Variants in ARL6 observed in about 807,000 individuals in gnomAD.
The protein encoded by ARL6 is ARF like GTPase 6.
In ARL6, 18 loss-of-function variants were observed where a neutral mutation model predicts 27.1. The ratio of observed to expected loss-of-function variants is 0.66; its 90% CI spans 0.46 to 0.98. The LOEUF is 0.98. Ranked by LOEUF, ARL6 falls within the 50% of genes least tolerant of loss-of-function variation. The pLI, the probability that ARL6 is intolerant of heterozygous loss-of-function variation, is 0.00. For missense variants in ARL6, 187 were observed against 214.9 expected (o/e 0.87, Z 0.81); for synonymous variants, 65 against 72.3 (o/e 0.90, Z 0.51).
At chr3:97,780,555 A>T in intron 3 of ARL6, 60 bp from the exon 4 acceptor site, 2 of 1,395,574 alleles carry the variant, frequency 1.4e-6, no homozygotes, top group African/African-American at 1.4e-5. Flanking sequence ...ATAATTTAAA[A>T]TTTTAAGTAA....
chr3:97,781,368 T>A (rs917070178), intron 4 of ARL6, among the ~76,000 whole-genome samples: 1 of 150,536 alleles, frequency 6.6e-6, no homozygotes, highest in Non-Finnish European at 1.5e-5. Flanking sequence ...ATTAAACCAA[T>A]TGTAGATCAA....
At chr3:97,792,228 T>C (rs1324213748) in intron 7 of ARL6, among the ~76,000 whole-genome samples, 2 of 152,182 alleles carry the variant, frequency 1.3e-5, no homozygotes, top group Non-Finnish European at 2.9e-5. Context: ...GCACGGTGGC[T>C]CACGCCTGTA....
At chr3:97,778,767 A>T (rs553178901) in intron 2 of ARL6, among the ~76,000 whole-genome samples, 1 of 152,298 alleles carries the variant, frequency 6.6e-6, no homozygotes, top group Non-Finnish European at 1.5e-5. Flanking sequence ...CATTTGAGAA[A>T]ACCAGGCTTA....
At chr3:97,789,521 G>C (rs1246676011) in intron 6 of ARL6, among the ~76,000 whole-genome samples, 1 of 151,982 alleles carries the variant, frequency 6.6e-6, no homozygotes. Context: ...TTATTCAATT[G>C]TGACATCTCA....
intron 4 of ARL6, among the ~76,000 whole-genome samples, chr3:97,784,359 A>G (rs1377336432): frequency 6.6e-6 from 1 of 151,868 alleles, no homozygotes; most frequent in East Asian, 1.9e-4. Context: ...TTTTCAGAAG[A>G]CTTTCACTTA....
At chr3:97,787,510 C>G (rs2037515953) in intron 5 of ARL6, among the ~76,000 whole-genome samples, 1 of 152,012 alleles carries the variant, frequency 6.6e-6, no homozygotes, top group Non-Finnish European at 1.5e-5. Context: ...AATGTATTGT[C>G]TATTCAAAAA....
At chr3:97,766,452 C>T (rs979057328) in intron 1 of ARL6, among the ~76,000 whole-genome samples, 9 of 152,130 alleles carry the variant, frequency 5.9e-5, no homozygotes, top group Non-Finnish European at 1.3e-4. Flanking sequence ...AATGGAAGTA[C>T]CTGAGGTCAA....
rs775012547 is a variant in ARL6 at position 97,787,973 on chromosome 3, CTTA to C, written c.350-14_350-12del. 5.6e-6 allele frequency: 9 copies of C among 1,612,528 alleles called. No homozygotes were observed. In the African/African-American group the frequency reaches 1.2e-4, roughly 22 times the overall value. On this transcript the variant is annotated splice_polypyrimidine_tract_variant and intron_variant, in intron 5 of 7. Transcript: ENST00000463745. Reference sequence around the variant, plus strand: ...AAAAAGCTGGAAGTGTGATGATAATCTTATTTTCTCTTTTAGATATTAAACACC... The same window carrying C: ...AAAAAGCTGGAAGTGTGATGATAATCTTTTCTCTTTTAGATATTAAACACC...
intron 2 of ARL6, among the ~76,000 whole-genome samples, chr3:97,778,523 T>C (rs1030026742): frequency 1.2e-4 from 19 of 152,110 alleles, no homozygotes; most frequent in African/African-American, 4.1e-4. Flanking sequence ...GGCAAAATTT[T>C]CCCCTCTAAT....
chr3:97,787,897 G>GA, intron 5 of ARL6, 93 bp from the exon 6 acceptor site: 23 of 1,347,246 alleles, frequency 1.7e-5, no homozygotes, highest in Admixed American at 3.7e-5. Flanking sequence ...AAAGATAATT[G>GA]AAAAAAAATT....
At chr3:97,786,895 A>G (rs1204863700) in intron 5 of ARL6, among the ~76,000 whole-genome samples, 2 of 152,212 alleles carry the variant, frequency 1.3e-5, no homozygotes, top group Admixed American at 1.3e-4. Flanking sequence ...AATATCAAGA[A>G]GTTTCATAGC....
intron 4 of ARL6, among the ~76,000 whole-genome samples, chr3:97,784,537 C>T (rs1195264900): frequency 6.7e-6 from 1 of 149,060 alleles, no homozygotes; most frequent in Non-Finnish European, 1.5e-5. Context: ...AGGTGTAATA[C>T]AGGATTCCAT....
chr3:97,775,520 C>T (rs1255818605), intron 2 of ARL6, among the ~76,000 whole-genome samples: 1 of 152,036 alleles, frequency 6.6e-6, no homozygotes, highest in Non-Finnish European at 1.5e-5. Context: ...ATTGTTCCCA[C>T]CCAGATTAAG....
intron 1 of ARL6, among the ~76,000 whole-genome samples, chr3:97,765,825 T>G (rs1460896493): frequency 1.3e-5 from 2 of 152,208 alleles, no homozygotes; most frequent in African/African-American, 4.8e-5. Context: ...GCTGCACACT[T>G]AAGACACGAT....
At chr3:97,768,554 T>C (rs2036493893) in intron 2 of ARL6, among the ~76,000 whole-genome samples, 1 of 152,144 alleles carries the variant, frequency 6.6e-6, no homozygotes, top group African/African-American at 2.4e-5. Flanking sequence ...AACATTTTTA[T>C]AGGTTCTATG....
intron 7 of ARL6, among the ~76,000 whole-genome samples, chr3:97,795,870 A>G (rs1345769607): frequency 6.6e-6 from 1 of 152,140 alleles, no homozygotes; most frequent in Admixed American, 6.5e-5. Context: ...AAAAATGAGG[A>G]AAAAAAGTTT....
chr3:97,798,304 C>T lies in ARL6; in HGVS notation c.*255C>T, dbSNP rs79196822. ...TAGTGAAGGTCTACATTTGATTGTA[C>T]GTAGAATGTTTAAAAGTCAGTTATA... On this transcript the variant is annotated 3_prime_UTR_variant, in exon 8 of 8. Coordinates refer to ENST00000463745, the MANE Select transcript of ARL6 (RefSeq NM_001278293.3). 2,735 of 384,174 alleles carry T rather than the reference C, an allele frequency of 7.1e-3. 63 individuals are homozygous for T. Among genetic ancestry groups the T allele is most frequent in the African/African-American group, 0.05 (2,471 of 49,552 alleles). The allele number at this position is 384,174 out of a possible 1,614,324, so 23.8% of individuals were successfully genotyped here.
intron 7 of ARL6, among the ~76,000 whole-genome samples, chr3:97,795,264 T>C (rs2037944354): frequency 6.6e-6 from 1 of 152,274 alleles, no homozygotes; most frequent in African/African-American, 2.4e-5. Flanking sequence ...ACAGAAACTA[T>C]TGCAGAACTG....
intron 6 of ARL6, among the ~76,000 whole-genome samples, chr3:97,789,976 C>T (rs576032652): frequency 6.6e-6 from 1 of 151,036 alleles, no homozygotes; most frequent in Non-Finnish European, 1.5e-5. Flanking sequence ...AACATATAGT[C>T]AGCTCTGATT....
Sources: gnomAD v4.1 joint callset for allele counts (sites outside exome capture counted in the v4.1 genomes callset) on GRCh38, gnomAD v4.1.1 for gene constraint, MANE v1.5 for transcripts, NCBI Gene and HGNC (gene_info 2026-07-23, HGNC 2026-07-21) for gene names.